Variants in SLC13A4 observed in about 807,000 individuals in gnomAD.
SLC13A4 encodes the protein solute carrier family 13 member 4.
In SLC13A4, 28 loss-of-function variants were observed where a neutral mutation model predicts 72.7. That is an observed-to-expected ratio of 0.39 (90% confidence interval 0.29 to 0.53). The LOEUF (loss-of-function observed/expected upper bound fraction) is 0.53. Ranked by LOEUF, SLC13A4 falls within the 20% of genes least tolerant of loss-of-function variation. The pLI is 0.78. For missense variants in SLC13A4, 653 were observed against 788.0 expected (o/e 0.83, Z 2.05); for synonymous variants, 312 against 325.5 (o/e 0.96, Z 0.45).
At chr7:135,708,087 T>C (rs1162368236) in intron 3 of SLC13A4, 27 bp downstream of exon 3, 2 of 1,607,154 alleles carry the variant, frequency 1.2e-6, no homozygotes, top group Non-Finnish European at 1.7e-6. Flanking sequence ...GGATGCCCTA[T>C]GTCCTGGCAT....
chr7:135,699,578 A>G, intron 7 of SLC13A4, 30 bp from the exon 8 acceptor site: 2 of 1,572,812 alleles, frequency 1.3e-6, no homozygotes, highest in South Asian at 2.4e-5. Context: ...AAATCTGTCC[A>G]ACCCAGCTTG....
Position 135,681,461 on chromosome 7 carries a change from G to T in SLC13A4, c.*102C>A. ...GGGATGCCCTCCGGCGTGGGTCTGG[G>T]GTTGTGTGCTCCTGGTGGTCCTAGT... is the stretch of plus-strand genomic sequence containing the variant. On this transcript the variant is annotated 3_prime_UTR_variant, in exon 16 of 16. Coordinates refer to ENST00000682651, the MANE Select transcript of SLC13A4 (RefSeq NM_001318192.2). 6.8e-7 allele frequency: 1 copy of T among 1,469,680 alleles called. No individual in the cohort carries two copies. The highest frequency in any genetic ancestry group is 9.3e-7 in the Non-Finnish European group (1 of 1,080,000). 91.0% of individuals were successfully genotyped at this position (1,469,680 alleles called of 1,614,324 possible).
At chr7:135,693,100 CAAAAAAAAAAAAAAAA>C (rs776332933) in intron 10 of SLC13A4, 1 of 53,108 alleles carries the variant, frequency 1.9e-5, no homozygotes, top group Non-Finnish European at 3.2e-5. Flanking sequence ...GACTCCATCC[CAAAAAAAAAAAAAAAA>C]AAAAAAAAAT....
At chr7:135,688,449 G>A (rs1015272576) in intron 13 of SLC13A4, among the ~76,000 whole-genome samples, 3 of 152,182 alleles carry the variant, frequency 2.0e-5, no homozygotes, top group Admixed American at 6.5e-5. Flanking sequence ...TAGAGACAAC[G>A]TTTCACCATG....
At chr7:135,723,246 G>A (rs1796584268) in intron 1 of SLC13A4, among the ~76,000 whole-genome samples, 1 of 152,110 alleles carries the variant, frequency 6.6e-6, no homozygotes, top group African/African-American at 2.4e-5. Context: ...TATCTGGAAG[G>A]GGAGGCCTGG....
In SLC13A4 at chr7:135,701,700, T is replaced by G; in HGVS notation, c.694A>C (p.Lys232Gln). 1.2e-6 allele frequency: 2 copies of G among 1,613,710 alleles called. No homozygotes were observed. The highest frequency in any genetic ancestry group is 1.1e-5 in the South Asian group (1 of 90,942). ...PIKTANQHQG[K>Q]KQHPSQEKPQ... The stretch of plus-strand genomic sequence containing the variant: ...ATTACCTGGGATGGGTGTTGCTTCT[T>G]GCCCTGGTGTTGGTTTGCAGTTTTG... The change falls in exon 7 of 16, where the codon AAG becomes CAG. Residue 232 changes from lysine (K) to glutamine (Q), a missense_variant. Lys to Gln is a moderately conservative substitution (Grantham distance 53). Coordinates refer to ENST00000682651, the MANE Select transcript of SLC13A4 (RefSeq NM_001318192.2).
At chr7:135,695,611 T>C in intron 8 of SLC13A4, 124 bp from the exon 9 acceptor site, 1 of 1,130,786 alleles carries the variant, frequency 8.8e-7, no homozygotes, top group South Asian at 1.6e-5. Context: ...ATGATAACGA[T>C]ATGGTAAAAC....
intron 11 of SLC13A4, 96 bp downstream of exon 11, chr7:135,692,227 T>G (rs905660098): frequency 2.3e-6 from 2 of 882,184 alleles, no homozygotes; most frequent in African/African-American, 3.4e-5. Flanking sequence ...GAATGAAATC[T>G]TCCTGGCTTC....
Position 135,706,176 on chromosome 7 carries a change from C to G in SLC13A4, c.490G>C (p.Glu164Gln). The G allele has an allele frequency of 6.2e-7, 1 of 1,611,000 alleles. No individual in the cohort carries two copies. The highest frequency in any genetic ancestry group is 8.5e-7 in the Non-Finnish European group (1 of 1,177,436). ...TTGGAGTTGCCCGCCACGAGCTGCT[C>G]GTCCTCAGCACTGACCAGCTCCTGC... ...VLQELVSAED[E>Q]QLVAGNSNTE... Residue 164 changes from glutamate to glutamine, a missense_variant, in exon 4 of 16, where the codon GAG (glutamate) becomes CAG (glutamine). Physicochemically the swap from Glu to Gln is conservative, Grantham distance 29. Transcript: ENST00000682651.
chr7:135,685,776 C>G, intron 13 of SLC13A4, 93 bp from the exon 14 acceptor site: 1 of 1,163,042 alleles, frequency 8.6e-7, no homozygotes, highest in South Asian at 1.4e-5. Context: ...TGTTGGAAGG[C>G]TGGACGACCA....
chr7:135,696,329 T>C (rs778848402), intron 8 of SLC13A4, among the ~76,000 whole-genome samples: 58 of 152,248 alleles, frequency 3.8e-4, no homozygotes, highest in Non-Finnish European at 6.6e-4. Flanking sequence ...TTGACCCTGC[T>C]CTACTTTCCT....
intron 2 of SLC13A4, among the ~76,000 whole-genome samples, chr7:135,711,963 A>ATTTTTTTTTTTTTTTTTTTTTTTTT (rs529940903): frequency 1.5e-4 from 7 of 46,900 alleles, no homozygotes; most frequent in Non-Finnish European, 1.2e-4. Flanking sequence ...ATGTTTTTGG[A>ATTTTTTTTTTTTTTTTTTTTTTTTT]TTTTTTTTTT....
At chr7:135,683,002 G>A (rs767137432) in intron 15 of SLC13A4, among the ~76,000 whole-genome samples, 9 of 151,966 alleles carry the variant, frequency 5.9e-5, no homozygotes, top group Non-Finnish European at 1.0e-4. Flanking sequence ...TCGAACAGTC[G>A]AAAGGACCTG....
chr7:135,692,299 TAAG>T (rs1214495940), intron 11 of SLC13A4, 21 bp downstream of exon 11: 8 of 1,547,830 alleles, frequency 5.2e-6, no homozygotes, highest in Non-Finnish European at 6.3e-6. Flanking sequence ...GGGTTGTTCT[TAAG>T]GAGGAAATGA....
chr7:135,696,174 T>A (rs938776681), intron 8 of SLC13A4, among the ~76,000 whole-genome samples: 1 of 151,774 alleles, frequency 6.6e-6, no homozygotes, highest in Non-Finnish European at 1.5e-5. Flanking sequence ...TTTCCTTGGG[T>A]CTCTGTTTTT....
At chr7:135,722,836 C>T (rs1466813434) in intron 1 of SLC13A4, among the ~76,000 whole-genome samples, 2 of 152,090 alleles carry the variant, frequency 1.3e-5, no homozygotes, top group Non-Finnish European at 2.9e-5. Context: ...GAGCTCCCTT[C>T]CCTGGGAGAG....
At chr7:135,695,080 A>G (rs1795871379) in intron 9 of SLC13A4, among the ~76,000 whole-genome samples, 1 of 152,262 alleles carries the variant, frequency 6.6e-6, no homozygotes. Flanking sequence ...ACGACATTAA[A>G]TACTCTTCAC....
chr7:135,695,690 TAAA>T (rs35675092), intron 8 of SLC13A4, among the ~76,000 whole-genome samples: 1 of 152,062 alleles, frequency 6.6e-6, no homozygotes, highest in South Asian at 2.1e-4. Context: ...TGAAACTAGC[TAAA>T]AAAAGGAATC....
intron 1 of SLC13A4, among the ~76,000 whole-genome samples, chr7:135,723,448 CT>C (rs1419713752): frequency 6.6e-6 from 1 of 152,186 alleles, no homozygotes; most frequent in African/African-American, 2.4e-5. Flanking sequence ...TAGGGAGAGG[CT>C]GCAGTTCATG....
Sources: gnomAD v4.1 joint callset for allele counts (sites outside exome capture counted in the v4.1 genomes callset) on GRCh38, gnomAD v4.1.1 for gene constraint, MANE v1.5 for transcripts, NCBI Gene and HGNC (gene_info 2026-07-23, HGNC 2026-07-21) for gene names.